The following CNTNAP5 variants were observed in gnomAD, a reference collection of about 807,000 sequenced individuals.
The protein encoded by CNTNAP5 is contactin-associated protein-like 5.
A neutral mutation model predicts 150.2 loss-of-function variants in CNTNAP5; 72 were observed. The observed-to-expected ratio is 0.48, with a 90% CI of 0.40 to 0.58. CNTNAP5 has a LOEUF of 0.58. Ranked by LOEUF, CNTNAP5 falls within the 20% of genes least tolerant of loss-of-function variation. The pLI is 0.00. For synonymous variants in CNTNAP5, 672 were observed against 619.8 expected (o/e 1.08, Z -1.25); for missense variants, 1,636 against 1,626.2 (o/e 1.01, Z -0.10).
intron 13 of CNTNAP5, among the ~76,000 whole-genome samples, chr2:124,649,768 T>C (rs1055481226): frequency 3.5e-4 from 53 of 152,248 alleles, no homozygotes; most frequent in African/African-American, 1.2e-3. Context: ...ACCCATGCAG[T>C]TGATCTGAGG....
At chr2:124,142,026 A>T (rs1344123751) in intron 1 of CNTNAP5, among the ~76,000 whole-genome samples, 4 of 147,644 alleles carry the variant, frequency 2.7e-5, no homozygotes, top group Admixed American at 6.8e-5. Flanking sequence ...ACCAACAAAG[A>T]TCAAAAGAGA....
intron 3 of CNTNAP5, among the ~76,000 whole-genome samples, chr2:124,275,144 G>T (rs1261234830): frequency 6.6e-6 from 1 of 152,018 alleles, no homozygotes; most frequent in Non-Finnish European, 1.5e-5. Flanking sequence ...GCATGAGAAA[G>T]ACCCACCCCC....
At chr2:124,405,295 G>A (rs1691541346) in intron 3 of CNTNAP5, among the ~76,000 whole-genome samples, 1 of 152,176 alleles carries the variant, frequency 6.6e-6, no homozygotes, top group African/African-American at 2.4e-5. Flanking sequence ...GTCTCTTTTA[G>A]TGAGGAAGTG....
chr2:124,347,077 G>C (rs560380073), intron 3 of CNTNAP5, among the ~76,000 whole-genome samples: 1 of 152,128 alleles, frequency 6.6e-6, no homozygotes, highest in South Asian at 2.1e-4. Context: ...GACAGAGGGA[G>C]ACTCCATCTC....
intron 21 of CNTNAP5, among the ~76,000 whole-genome samples, chr2:124,882,632 C>A (rs1450787996): frequency 6.6e-6 from 1 of 152,056 alleles, no homozygotes; most frequent in Admixed American, 6.6e-5. Flanking sequence ...AGAAGTCCTG[C>A]AAATATGCAC....
At chr2:124,255,297 G>C (rs982319484) in intron 3 of CNTNAP5, among the ~76,000 whole-genome samples, 1 of 152,068 alleles carries the variant, frequency 6.6e-6, no homozygotes. Context: ...GGCCAAGGCA[G>C]GTGGATCACA....
At chr2:124,504,643 A>G in intron 8 of CNTNAP5, 87 bp downstream of exon 8, 1 of 1,320,040 alleles carries the variant, frequency 7.6e-7, no homozygotes, top group Non-Finnish European at 1.1e-6. Flanking sequence ...CAGAATCCAA[A>G]TCTCAGGGAT....
chr2:124,083,351 T>C (rs1682602835), intron 1 of CNTNAP5, among the ~76,000 whole-genome samples: 1 of 151,952 alleles, frequency 6.6e-6, no homozygotes, highest in East Asian at 1.9e-4. Context: ...AGAGTGAGAG[T>C]CCATCTCAAA....
chr2:124,542,129 C>A (rs557353071), intron 10 of CNTNAP5, among the ~76,000 whole-genome samples: 1 of 151,852 alleles, frequency 6.6e-6, no homozygotes, highest in East Asian at 1.9e-4. Context: ...TTTCACATGA[C>A]CTCCAGCACA....
chr2:124,701,170 T>C (rs1679513425), intron 13 of CNTNAP5, among the ~76,000 whole-genome samples: 1 of 152,112 alleles, frequency 6.6e-6, no homozygotes, highest in South Asian at 2.1e-4. Flanking sequence ...TTCCTATGCA[T>C]TTTCTACCCT....
chr2:124,498,430 T>C (rs1453106666), intron 7 of CNTNAP5, among the ~76,000 whole-genome samples: 1 of 152,174 alleles, frequency 6.6e-6, no homozygotes, highest in Non-Finnish European at 1.5e-5. Context: ...CAATTGGTTA[T>C]TATACTCTTG....
At chr2:124,742,893 G>A (rs752902951) in intron 13 of CNTNAP5, among the ~76,000 whole-genome samples, 32 of 151,980 alleles carry the variant, frequency 2.1e-4, no homozygotes, top group East Asian at 3.9e-4. Context: ...TGGCTGTTTT[G>A]TGGAAGTCCT....
intron 7 of CNTNAP5, among the ~76,000 whole-genome samples, chr2:124,480,400 T>C (rs1383624276): frequency 2.0e-5 from 3 of 152,216 alleles, no homozygotes; most frequent in Non-Finnish European, 4.4e-5. Flanking sequence ...ATGCAACTTA[T>C]TGGAGCATGG....
intron 13 of CNTNAP5, among the ~76,000 whole-genome samples, chr2:124,725,422 G>C (rs530228879): frequency 6.6e-6 from 1 of 151,332 alleles, no homozygotes; most frequent in Admixed American, 6.6e-5. Flanking sequence ...ACCTCACATA[G>C]TTTCCCTCCC....
rs562765156 is a variant in CNTNAP5 at position 124,230,539 on chromosome 2, T to A, written c.187+8730T>A. Among the ~76,000 whole-genome samples, 15 of 151,460 alleles carry A rather than the reference T, an allele frequency of 9.9e-5. No individual in the cohort carries two copies. The South Asian group carries it at 2.3e-3, about 23-fold the overall frequency. ...ATATATATATATATAAATTATTATT[T>A]TTTTTTTCTTGAGACAGAGTCTCAC... On this transcript the variant is annotated intron_variant, in intron 2 of 23. Coordinates refer to ENST00000682447, the MANE Select transcript of CNTNAP5 (RefSeq NM_001367498.1).
At position 124,446,698 on chromosome 2, in the gene CNTNAP5, G is replaced by T. The variant is rs747292959; in HGVS notation, c.734-55G>T. On this transcript the variant is annotated intron_variant, in intron 5 of 23. Transcript: ENST00000682447. ...GCTTTTGCTTGTGGAGCATTCTGGTGTGCAAAGCTGCCCTTGGACACAGAC... is the reference window on the plus strand; with the variant it reads ...GCTTTTGCTTGTGGAGCATTCTGGTTTGCAAAGCTGCCCTTGGACACAGAC... 23 of 1,556,376 alleles carry T rather than the reference G, an allele frequency of 1.5e-5. No homozygotes were observed. In the African/African-American group the frequency reaches 2.7e-4, roughly 18 times the overall value.
intron 13 of CNTNAP5, among the ~76,000 whole-genome samples, chr2:124,740,203 T>C (rs1680469095): frequency 1.3e-5 from 2 of 152,030 alleles, no homozygotes; most frequent in South Asian, 4.1e-4. Context: ...AACTTGCAAC[T>C]TTGCATCATT....
At chr2:124,275,072 A>G (rs2104616869) in intron 3 of CNTNAP5, among the ~76,000 whole-genome samples, 1 of 152,268 alleles carries the variant, frequency 6.6e-6, no homozygotes, top group South Asian at 2.1e-4. Context: ...GAACTTGTGC[A>G]GGGAAACTCC....
intron 1 of CNTNAP5, among the ~76,000 whole-genome samples, chr2:124,096,901 AC>A (rs144076782): frequency 0.093 from 14,068 of 151,914 alleles, 776 homozygotes; most frequent in Non-Finnish European, 0.13. Flanking sequence ...ACGGGGTTTC[AC>A]CGTGTTCCCC....
Sources: gnomAD v4.1 joint callset for allele counts (sites outside exome capture counted in the v4.1 genomes callset) on GRCh38, gnomAD v4.1.1 for gene constraint, MANE v1.5 for transcripts, NCBI Gene and HGNC (gene_info 2026-07-23, HGNC 2026-07-21) for gene names.